The following GLS variants were observed in gnomAD, a reference collection of about 807,000 sequenced individuals.
The protein encoded by GLS is glutaminase kidney isoform, mitochondrial.
A neutral mutation model predicts 86.7 loss-of-function variants in GLS; 36 were observed. The ratio of observed to expected loss-of-function variants is 0.42; its 90% CI spans 0.32 to 0.55. GLS has a LOEUF of 0.55. Among genes scored for constraint, GLS ranks in the 20% least tolerant of loss-of-function variants. GLS has a pLI of 0.17. For synonymous variants in GLS, 317 were observed against 305.9 expected (o/e 1.04, Z -0.38); for missense variants, 528 against 833.4 (o/e 0.63, Z 4.51).
chr2:190,944,251 C>T (rs1366219937), intron 14 of GLS, among the ~76,000 whole-genome samples: 1 of 148,482 alleles, frequency 6.7e-6, no homozygotes, highest in Non-Finnish European at 1.5e-5. Context: ...CTCTTCCTGT[C>T]TTAAATTCGC....
At chr2:190,892,745 A>C (rs1452283637) in intron 1 of GLS, among the ~76,000 whole-genome samples, 1 of 152,152 alleles carries the variant, frequency 6.6e-6, no homozygotes, top group East Asian at 1.9e-4. Flanking sequence ...TGAGGTTTCA[A>C]ATGCTGAAAT....
Position 190,914,990 on chromosome 2 carries a change from A to G in GLS, c.1038+4669A>G, listed in dbSNP as rs994772319. Reference sequence around the variant, plus strand: ...AAAGGAATGTAAATTCTGTAACTTGACAGGCATATTTACAGAAAAATTTTA... The same window carrying G: ...AAAGGAATGTAAATTCTGTAACTTGGCAGGCATATTTACAGAAAAATTTTA... On this transcript the variant is annotated intron_variant, in intron 7 of 17. Coordinates refer to ENST00000320717, the MANE Select transcript of GLS (RefSeq NM_014905.5). This position sits in a 1 kb window ranked among gnomAD's most constrained non-coding sequence, Gnocchi z 4.4. Among the ~76,000 whole-genome samples, 13 of 151,996 alleles carry G rather than the reference A, an allele frequency of 8.6e-5. No homozygotes were observed. The highest frequency in any genetic ancestry group is 3.1e-4 in the African/African-American group (13 of 41,388).
At chr2:190,890,656 G>A (rs1462565052) in intron 1 of GLS, among the ~76,000 whole-genome samples, 4 of 151,980 alleles carry the variant, frequency 2.6e-5, no homozygotes, top group African/African-American at 9.7e-5. Flanking sequence ...GTTGATAGAC[G>A]GTTGTTATCA....
intron 17 of GLS, among the ~76,000 whole-genome samples, chr2:190,961,689 G>GTTTTTT (rs11386437): frequency 0.033 from 4,463 of 135,754 alleles, 152 homozygotes; most frequent in African/African-American, 0.069. Flanking sequence ...TAATTCAGCT[G>GTTTTTT]TTTTTTTTTT....
chr2:190,927,357 C>G lies in GLS; in HGVS notation c.1300C>G (p.Leu434Val). The G allele has an allele frequency of 6.2e-7, 1 of 1,613,812 alleles. No homozygotes were observed. ...ATCAGCCAGTGTGATGGCTGCGACA[C>G]TGGCTAATGGTGGTTTCTGCCCAAT... ...CESASVMAAT[L>V]ANGGFCPITG... Residue 434 changes from leucine (L) to valine (V), a missense_variant, in exon 12 of 18, where the codon CTG becomes GTG. Physicochemically the swap from Leu to Val is conservative, Grantham distance 32 (BLOSUM62 1). This residue lies in a region of GLS where 163 missense variants were observed against 429.2 expected (regional missense o/e 0.38). Coordinates refer to ENST00000320717, the MANE Select transcript of GLS (RefSeq NM_014905.5).
intron 1 of GLS, among the ~76,000 whole-genome samples, chr2:190,887,391 C>T (rs1172080187): frequency 6.6e-6 from 1 of 151,892 alleles, no homozygotes; most frequent in Non-Finnish European, 1.5e-5. Flanking sequence ...TGGGAGTGTC[C>T]TCTGCTTGAT....
In GLS at chr2:190,897,036, T is replaced by C. The variant is rs542885887; in HGVS notation, c.605+1311T>C. Among the ~76,000 whole-genome samples the C allele has an allele frequency of 1.3e-5, 2 of 152,114 alleles. No homozygotes were observed. Among genetic ancestry groups the C allele is most frequent in the African/African-American group, 2.4e-5 (1 of 41,492 alleles). ...TAAGTGGAAGCAGTATTTTACACTT[T>C]TTTTTTTTAAGAGACAGAGTCTCAT... On this transcript the variant is annotated intron_variant, in intron 3 of 17. Transcript: ENST00000320717. The surrounding 1 kb of genome is among the most constrained non-coding windows in gnomAD (Gnocchi z 4.3).
intron 7 of GLS, among the ~76,000 whole-genome samples, chr2:190,918,643 T>A (rs1184686061): frequency 6.6e-6 from 1 of 152,198 alleles, no homozygotes; most frequent in Non-Finnish European, 1.5e-5. Context: ...GAAACTTCAT[T>A]TACAACTTGG....
rs1009006679 is a variant in GLS, at chr2:190,938,023, A to G, written c.1650+6386A>G. On this transcript the variant is annotated intron_variant, in intron 14 of 17. Transcript: ENST00000320717. This position sits in a 1 kb window ranked among gnomAD's most constrained non-coding sequence, Gnocchi z 4.1. ...TAATCTTGTAACATTTTTACTATACATTTAACTCTAAATCTCATTTACTAA... is the reference window on the plus strand; with the variant it reads ...TAATCTTGTAACATTTTTACTATACGTTTAACTCTAAATCTCATTTACTAA... Among the ~76,000 whole-genome samples the G allele has an allele frequency of 6.6e-6, 1 of 151,314 alleles. No homozygotes were observed. The highest frequency in any genetic ancestry group is 2.4e-5 in the African/African-American group (1 of 41,398).
At position 190,954,941 on chromosome 2, in the gene GLS, G is replaced by A. The variant is rs1690821839; in HGVS notation, c.1853+123G>A. ...TGAACCTGCTATGATATCTTATAAA[G>A]GCAATAAACCTTGTTTCTACTAGAT... On this transcript the variant is annotated intron_variant, in intron 17 of 17. Coordinates refer to ENST00000320717, the MANE Select transcript of GLS (RefSeq NM_014905.5). This position sits in a 1 kb window ranked among gnomAD's most constrained non-coding sequence, Gnocchi z 4.0. 1.5e-6 allele frequency: 1 copy of A among 664,576 alleles called. No individual in the cohort carries two copies. The highest frequency in any genetic ancestry group is 1.8e-5 in the African/African-American group (1 of 55,244). The allele number at this position is 664,576 out of a possible 1,614,324, so 41.2% of individuals were successfully genotyped here. A position where few individuals can be genotyped will look rare whatever the true frequency, so the allele number is the denominator to read the frequency against.
At chr2:190,918,540 A>G (rs572383240) in intron 7 of GLS, among the ~76,000 whole-genome samples, 1 of 152,116 alleles carries the variant, frequency 6.6e-6, no homozygotes, top group South Asian at 2.1e-4. Flanking sequence ...AATTTTCTCC[A>G]TGTTACCGGT....
rs529117381 is a variant in GLS at position 190,938,651 on chromosome 2, G to C, written c.1650+7014G>C. Among the ~76,000 whole-genome samples the C allele has an allele frequency of 2.6e-5, 4 of 151,570 alleles. No homozygotes were observed. The South Asian group carries it at 8.3e-4, about 31-fold the overall frequency. On this transcript the variant is annotated intron_variant, in intron 14 of 17. Coordinates refer to ENST00000320717, the MANE Select transcript of GLS (RefSeq NM_014905.5). This position sits in a 1 kb window ranked among gnomAD's most constrained non-coding sequence, Gnocchi z 4.1. ...TATTTAGATTTTTTTCTCTTGAGGG[G>C]GTTGGTCTGTTTTGTGTTTTGTTAG...
intron 14 of GLS, among the ~76,000 whole-genome samples, chr2:190,952,160 G>A (rs1007790335): frequency 1.3e-5 from 2 of 152,202 alleles, no homozygotes; most frequent in African/African-American, 4.8e-5. Context: ...AACATTCTGG[G>A]TGATGTTCTT....
At chr2:190,906,053 A>C (rs72907237) in intron 6 of GLS, among the ~76,000 whole-genome samples, 127 of 152,056 alleles carry the variant, frequency 8.4e-4, no homozygotes, top group Non-Finnish European at 1.4e-3. Flanking sequence ...CATCCTATTT[A>C]TTTTGAGAGC....
rs115238272 is a variant in GLS, at chr2:190,902,319, G to A, written c.815+293G>A. Among the ~76,000 whole-genome samples the A allele has an allele frequency of 2.1e-3, 314 of 152,218 alleles. 1 individual carries two copies. Among genetic ancestry groups the A allele is most frequent in the African/African-American group, 6.8e-3 (284 of 41,552 alleles). On this transcript the variant is annotated intron_variant, in intron 5 of 17. Coordinates refer to ENST00000320717, the MANE Select transcript of GLS (RefSeq NM_014905.5). ...CAGAAAAGCAGGCTTGTCAAAACAT[G>A]ACACTATTCTCTAATGAACTGACTA... is the stretch of plus-strand genomic sequence containing the variant.
rs2124964134 is a variant in GLS at position 190,964,567 on chromosome 2, T to G, written c.*1581T>G. 6.6e-6 allele frequency: 1 copy of G among 152,274 alleles called. No homozygotes were observed. The highest frequency in any genetic ancestry group is 2.1e-4 in the South Asian group (1 of 4,822). 9.4% of individuals were successfully genotyped at this position (152,274 alleles called of 1,614,324 possible). On this transcript the variant is annotated 3_prime_UTR_variant, in exon 18 of 18. Coordinates refer to ENST00000320717, the MANE Select transcript of GLS (RefSeq NM_014905.5). This position sits in a 1 kb window ranked among gnomAD's most constrained non-coding sequence, Gnocchi z 5.2. ...GTGGCTCCTGCCACTGCCCTCCCAT[T>G]ACCTAGATGGCACCTCCTTTGGTGA...
intron 14 of GLS, among the ~76,000 whole-genome samples, chr2:190,948,723 A>G (rs1205295923): frequency 6.6e-6 from 1 of 152,232 alleles, no homozygotes; most frequent in East Asian, 1.9e-4. Flanking sequence ...CATGTGTTAT[A>G]GTGCCATAGT....
In GLS at chr2:190,962,090, GACTTACC is replaced by G. The variant is rs1055875232; in HGVS notation, c.1854-735_1854-729del. Among the ~76,000 whole-genome samples, 104 of 152,320 alleles carry G rather than the reference GACTTACC, an allele frequency of 6.8e-4. 1 individual carries two copies. The highest frequency in any genetic ancestry group is 2.4e-3 in the African/African-American group (99 of 41,584). On this transcript the variant is annotated intron_variant, in intron 17 of 17. Coordinates refer to ENST00000320717, the MANE Select transcript of GLS (RefSeq NM_014905.5). This position sits in a 1 kb window ranked among gnomAD's most constrained non-coding sequence, Gnocchi z 4.2. The stretch of plus-strand genomic sequence containing the variant: ...TGTAGTTCTGTCTCCTCTTGCAAAA[GACTTACC>G]ACTTCTGGCAAGTGATTAACCACTT...
intron 1 of GLS, among the ~76,000 whole-genome samples, chr2:190,894,214 TA>T (rs1456263689): frequency 6.6e-6 from 1 of 152,230 alleles, no homozygotes; most frequent in African/African-American, 2.4e-5. Flanking sequence ...GTCTCTTATG[TA>T]AAATGGCATA....
Sources: gnomAD v4.1 joint callset for allele counts (sites outside exome capture counted in the v4.1 genomes callset) on GRCh38, gnomAD v4.1.1 for gene constraint, gnomAD v4.1.1 regional missense constraint, Gnocchi (gnomAD v3.1) non-coding constraint, MANE v1.5 for transcripts, NCBI Gene and HGNC (gene_info 2026-07-23, HGNC 2026-07-21) for gene names.